The following ZCCHC14 variants were observed in gnomAD, a reference collection of about 807,000 sequenced individuals.
ZCCHC14 encodes zinc finger CCHC-type containing 14.
ZCCHC14 carries 16 observed loss-of-function variants against 85.0 expected under a neutral mutation model. The ratio of observed to expected loss-of-function variants is 0.19; its 90% CI spans 0.13 to 0.29. ZCCHC14 has a LOEUF of 0.29. Among genes scored for constraint, ZCCHC14 ranks in the 10% least tolerant of loss-of-function variants. The pLI is 1.00. For synonymous variants in ZCCHC14, 775 were observed against 630.7 expected, an observed-to-expected ratio of 1.23 and a Z score of -3.43; for missense variants, 1,303 against 1,443.5, an observed-to-expected ratio of 0.90 and a Z score of 1.58.
intron 2 of ZCCHC14, among the ~76,000 whole-genome samples, chr16:87,447,140 T>C (rs940310595): frequency 3.9e-5 from 6 of 152,168 alleles, no homozygotes; most frequent in African/African-American, 1.4e-4. Context: ...CAAAGCTCTT[T>C]TGGGGCAGAG....
At chr16:87,466,934 A>T (rs1911546236) in intron 1 of ZCCHC14, among the ~76,000 whole-genome samples, 1 of 152,018 alleles carries the variant, frequency 6.6e-6, no homozygotes. Context: ...TTGTTTCTTT[A>T]CAAATACGGA....
In ZCCHC14 at chr16:87,479,331, G is replaced by A. The variant is rs566436445; in HGVS notation, c.570+12338C>T. On this transcript the variant is annotated intron_variant, in intron 1 of 12. Coordinates refer to ENST00000671377, the MANE Select transcript of ZCCHC14 (RefSeq NM_015144.3). ...CTCAGGAGGCTGAGGCAGGAGAGTCGCTTGAACCCGGGAGACAGAGGTTTG... is the reference window on the plus strand; with the variant it reads ...CTCAGGAGGCTGAGGCAGGAGAGTCACTTGAACCCGGGAGACAGAGGTTTG... 9.3e-5 allele frequency among the ~76,000 whole-genome samples: 14 copies of A among 151,314 alleles called. No homozygotes were observed. In the South Asian group the frequency reaches 1.5e-3, roughly 16 times the overall value.
chr16:87,423,604 C>T (rs576125434), intron 4 of ZCCHC14, among the ~76,000 whole-genome samples: 1 of 152,280 alleles, frequency 6.6e-6, no homozygotes, highest in African/African-American at 2.4e-5. Context: ...GTGAAGGAGG[C>T]ATCCGCGGGG....
intron 1 of ZCCHC14, chr16:87,467,645 T>A: frequency 2.1e-6 from 2 of 961,574 alleles, no homozygotes; most frequent in Non-Finnish European, 3.4e-6. Context: ...TGAATTTCCC[T>A]GGTCGAACGG....
intron 2 of ZCCHC14, among the ~76,000 whole-genome samples, chr16:87,436,617 T>C (rs970403447): frequency 6.6e-6 from 1 of 152,240 alleles, no homozygotes; most frequent in African/African-American, 2.4e-5. Context: ...AGCTCACACA[T>C]GCCGGGCTTA....
chr16:87,482,808 C>T (rs554772713), intron 1 of ZCCHC14, among the ~76,000 whole-genome samples: 2 of 152,126 alleles, frequency 1.3e-5, no homozygotes, highest in Non-Finnish European at 2.9e-5. Flanking sequence ...TAACTTTGTA[C>T]CTTATACCAA....
At chr16:87,433,266 C>A in intron 2 of ZCCHC14, 65 bp from the exon 3 acceptor site, 1 of 1,477,184 alleles carries the variant, frequency 6.8e-7, no homozygotes, top group Non-Finnish European at 9.3e-7. Context: ...GATTATTTAG[C>A]ATTTGATATT....
At chr16:87,418,773 C>T in intron 7 of ZCCHC14, 74 bp downstream of exon 7, 2 of 1,451,642 alleles carry the variant, frequency 1.4e-6, no homozygotes, top group Non-Finnish European at 1.9e-6. Context: ...CTTGGAACAA[C>T]TTTACACAGA....
At position 87,492,462 on chromosome 16, in the gene ZCCHC14, G is replaced by A. The variant is rs1251527029; in HGVS notation, c.-224C>T. 6.9e-6 allele frequency: 1 copy of A among 144,916 alleles called. No homozygotes were observed. Among genetic ancestry groups the A allele is most frequent in the Non-Finnish European group, 1.5e-5 (1 of 65,402 alleles). The allele number at this position is 144,916 out of a possible 1,614,324, so 9.0% of individuals were successfully genotyped here. On this transcript the variant is annotated 5_prime_UTR_variant, in exon 1 of 13. Transcript: ENST00000671377. The surrounding 1 kb of genome is among the most constrained non-coding windows in gnomAD (Gnocchi z 6.7). ...CAGGGGCCGGCGGGCGGGCGCGCGC[G>A]GGGCGCCGGGGGGGCCCGGGGCGGC...
At chr16:87,435,561 C>T (rs372498019) in intron 2 of ZCCHC14, among the ~76,000 whole-genome samples, 114 of 152,376 alleles carry the variant, frequency 7.5e-4, no homozygotes, top group African/African-American at 2.3e-3. Flanking sequence ...GCCAACCCTG[C>T]GCTGAACCAA....
chr16:87,439,133 A>G (rs1364157809), intron 2 of ZCCHC14, among the ~76,000 whole-genome samples: 1 of 143,796 alleles, frequency 7.0e-6, no homozygotes, highest in African/African-American at 2.7e-5. Flanking sequence ...CCCTCATACA[A>G]GTTCTTTTTT....
chr16:87,482,601 A>G (rs1183136794), intron 1 of ZCCHC14, among the ~76,000 whole-genome samples: 1 of 152,206 alleles, frequency 6.6e-6, no homozygotes, highest in Admixed American at 6.5e-5. Flanking sequence ...AAGAAACAAA[A>G]CCAAGAGTAT....
chr16:87,432,254 G>A (rs1385458621), intron 3 of ZCCHC14, among the ~76,000 whole-genome samples: 1 of 152,160 alleles, frequency 6.6e-6, no homozygotes, highest in Non-Finnish European at 1.5e-5. Flanking sequence ...GTTCCTGACA[G>A]AGCCCTGACT....
chr16:87,417,106 T>C (rs8044605), intron 8 of ZCCHC14, among the ~76,000 whole-genome samples: 1 of 152,134 alleles, frequency 6.6e-6, no homozygotes, highest in African/African-American at 2.4e-5. Flanking sequence ...CCCGCCGCAG[T>C]GTCTGCGCCA....
At chr16:87,447,189 G>A (rs1298345318) in intron 2 of ZCCHC14, among the ~76,000 whole-genome samples, 2 of 151,898 alleles carry the variant, frequency 1.3e-5, no homozygotes, top group Non-Finnish European at 2.9e-5. Context: ...GATGGCGGAA[G>A]AAACAGACCT....
At chr16:87,468,202 A>G (rs1277560052) in intron 1 of ZCCHC14, among the ~76,000 whole-genome samples, 2 of 152,204 alleles carry the variant, frequency 1.3e-5, no homozygotes, top group Non-Finnish European at 2.9e-5. Flanking sequence ...GAAAGTAGGA[A>G]GGGTAGACGT....
At chr16:87,490,195 G>C (rs1405657234) in intron 1 of ZCCHC14, among the ~76,000 whole-genome samples, 1 of 152,182 alleles carries the variant, frequency 6.6e-6, no homozygotes, top group African/African-American at 2.4e-5. Flanking sequence ...CTTACAGGAA[G>C]ACATTAAAAA....
At chr16:87,421,448 G>A (rs1909089629) in intron 4 of ZCCHC14, among the ~76,000 whole-genome samples, 2 of 152,200 alleles carry the variant, frequency 1.3e-5, no homozygotes, top group Admixed American at 1.3e-4. Flanking sequence ...TGGTGCTGGA[G>A]GAGGTCAGCT....
At position 87,410,342 on chromosome 16, in the gene ZCCHC14, A is replaced by G; in HGVS notation, c.3206-7T>C. Reference sequence around the variant, plus strand: ...TATTTCAACCTAAAAGTACCTAGAGAGAGGGGAAAAAAGAGGTCAAATTTG... The same window carrying G: ...TATTTCAACCTAAAAGTACCTAGAGGGAGGGGAAAAAAGAGGTCAAATTTG... On this transcript the variant is annotated splice_region_variant and splice_polypyrimidine_tract_variant and intron_variant, in intron 12 of 12. Transcript: ENST00000671377. 1.3e-6 allele frequency: 1 copy of G among 775,554 alleles called. No homozygotes were observed. The highest frequency in any genetic ancestry group is 2.4e-6 in the Non-Finnish European group (1 of 416,166). The allele number at this position is 775,554 out of a possible 1,614,324, so 48.0% of individuals were successfully genotyped here. A position where few individuals can be genotyped will look rare whatever the true frequency, so the allele number is the denominator to read the frequency against.
Sources: gnomAD v4.1 joint callset for allele counts (sites outside exome capture counted in the v4.1 genomes callset) on GRCh38, gnomAD v4.1.1 for gene constraint, Gnocchi (gnomAD v3.1) non-coding constraint, MANE v1.5 for transcripts, NCBI Gene and HGNC (gene_info 2026-07-23, HGNC 2026-07-21) for gene names.